Variants in PCDHA9 observed in about 807,000 individuals in gnomAD.
PCDHA9 encodes protocadherin alpha 9, also known as protocadherin alpha-9.
A neutral mutation model predicts 62.0 loss-of-function variants in PCDHA9; 62 were observed. The ratio of observed to expected loss-of-function variants is 1.00; its 90% CI spans 0.81 to 1.23. The LOEUF (loss-of-function observed/expected upper bound fraction) is 1.23, where lower values mean the gene tolerates loss of function less well. Among genes scored for constraint, PCDHA9 ranks in the 50% most tolerant of loss-of-function variants. The pLI, the probability that PCDHA9 is intolerant of heterozygous loss-of-function variation, is 0.00. For missense variants in PCDHA9, 1,205 were observed against 1,249.8 expected, an observed-to-expected ratio of 0.96 and a Z score of 0.54; for synonymous variants, 557 against 567.6, an observed-to-expected ratio of 0.98 and a Z score of 0.27.
chr5:140,877,706 T>TG (rs781796819), intron 1 of PCDHA9: 16 of 1,613,800 alleles, frequency 9.9e-6, no homozygotes, highest in Non-Finnish European at 1.4e-5. Context: ...TCCAGCGCCG[T>TG]GGGGAGTTGG....
chr5:140,961,438 A>G (rs888082906), intron 1 of PCDHA9, among the ~76,000 whole-genome samples: 2 of 152,194 alleles, frequency 1.3e-5, no homozygotes, highest in South Asian at 4.1e-4. Context: ...AAAATCACCT[A>G]ACTACACTGT....
rs782357436 is a variant in PCDHA9, at chr5:140,876,751, G to T, written c.2394+25862G>T. On this transcript the variant is annotated intron_variant, in intron 1 of 3. Transcript: ENST00000532602. ...GTCGGCCTATGAGCTGGTGGTGACTGCGCGGGATGGGGGCTCGCCTTCGCT... is the reference window on the plus strand; with the variant it reads ...GTCGGCCTATGAGCTGGTGGTGACTTCGCGGGATGGGGGCTCGCCTTCGCT... 2.5e-6 allele frequency: 4 copies of T among 1,614,258 alleles called. No individual in the cohort carries two copies. The Admixed American group carries it at 6.7e-5, about 27-fold the overall frequency.
intron 3 of PCDHA9, among the ~76,000 whole-genome samples, chr5:141,008,523 C>A (rs2098380908): frequency 6.6e-6 from 1 of 152,182 alleles, no homozygotes; most frequent in Admixed American, 6.5e-5. Context: ...CAATCAGACT[C>A]TTGGGAATGT....
At chr5:140,856,384 G>C (rs202075661) in intron 1 of PCDHA9, 1 of 1,598,540 alleles carries the variant, frequency 6.3e-7, no homozygotes, top group African/African-American at 1.3e-5. Flanking sequence ...TGGACAGGCC[G>C]CTGCAGGTTT....
Position 140,967,929 on chromosome 5 carries a change from G to A in PCDHA9, c.2395-11020G>A, listed in dbSNP as rs1554230126. 5 of 1,614,096 alleles carry A rather than the reference G, an allele frequency of 3.1e-6. No homozygotes were observed. The South Asian group carries it at 4.4e-5, about 14-fold the overall frequency. ...CCCAACACCATTGTGGCCGTTCTCAGTGTCAATGACCAAGACTCAGGCCCC... is the reference window on the plus strand; with the variant it reads ...CCCAACACCATTGTGGCCGTTCTCAATGTCAATGACCAAGACTCAGGCCCC... On this transcript the variant is annotated intron_variant, in intron 1 of 3. Coordinates refer to ENST00000532602, the MANE Select transcript of PCDHA9 (RefSeq NM_031857.2).
intron 1 of PCDHA9, chr5:140,876,262 C>A (rs1554168436): frequency 6.2e-7 from 1 of 1,614,012 alleles, no homozygotes. Context: ...AGTGATCCAA[C>A]TAAATGCTTC....
At chr5:140,878,571 A>G (rs531090803) in intron 1 of PCDHA9, among the ~76,000 whole-genome samples, 48 of 152,346 alleles carry the variant, frequency 3.2e-4, no homozygotes, top group African/African-American at 1.1e-3. Context: ...ATCATAGTAT[A>G]CCACTGCCCT....
At chr5:140,914,033 G>A (rs1192515722) in intron 1 of PCDHA9, among the ~76,000 whole-genome samples, 1 of 152,138 alleles carries the variant, frequency 6.6e-6, no homozygotes, top group Non-Finnish European at 1.5e-5. Context: ...GTGCTGAGAA[G>A]AATGTGTATT....
At chr5:140,926,740 A>G (rs1291119790) in intron 1 of PCDHA9, 2 of 1,186,206 alleles carry the variant, frequency 1.7e-6, no homozygotes, top group Non-Finnish European at 2.2e-6. Context: ...CGGGAGGCGC[A>G]ACGTCGGCGG....
rs371830340 is a variant in PCDHA9 at position 140,947,864 on chromosome 5, C to G, written c.2395-31085C>G. Reference sequence around the variant, plus strand: ...TTTATTTATTTTGTCATTATAATGGCTAGGACTTCCAGGACAATATAAACA... The same window carrying G: ...TTTATTTATTTTGTCATTATAATGGGTAGGACTTCCAGGACAATATAAACA... On this transcript the variant is annotated intron_variant, in intron 1 of 3. Coordinates refer to ENST00000532602, the MANE Select transcript of PCDHA9 (RefSeq NM_031857.2). Among the ~76,000 whole-genome samples the G allele has an allele frequency of 1.4e-4, 21 of 151,554 alleles. No homozygotes were observed. The East Asian group carries it at 2.3e-3, about 17-fold the overall frequency.
At chr5:140,891,963 A>C (rs1202145353) in intron 1 of PCDHA9, among the ~76,000 whole-genome samples, 1 of 152,214 alleles carries the variant, frequency 6.6e-6, no homozygotes, top group African/African-American at 2.4e-5. Flanking sequence ...TGTGAGAAGT[A>C]AATTTCCGTT....
intron 1 of PCDHA9, among the ~76,000 whole-genome samples, chr5:140,943,307 T>C (rs1554215574): frequency 6.7e-6 from 1 of 149,570 alleles, no homozygotes; most frequent in Non-Finnish European, 1.5e-5. Flanking sequence ...TGGGAAGTCA[T>C]TATTAGCAAT....
At chr5:140,857,849 G>A (rs782556733) in intron 1 of PCDHA9, 1 of 1,597,964 alleles carries the variant, frequency 6.3e-7, no homozygotes, top group South Asian at 1.1e-5. Flanking sequence ...CGCTGACTCT[G>A]GATACAACGC....
At chr5:140,867,536 A>T (rs1177306827) in intron 1 of PCDHA9, 3 of 152,126 alleles carry the variant, frequency 2.0e-5, no homozygotes, top group African/African-American at 7.2e-5. Flanking sequence ...ATATATATAA[A>T]ATATTAGCAT....
At chr5:140,966,709 G>A (rs1447935100) in intron 1 of PCDHA9, 4 of 1,387,174 alleles carry the variant, frequency 2.9e-6, no homozygotes, top group Non-Finnish European at 2.8e-6. Flanking sequence ...CGTGGGGCAC[G>A]GCTGGGGAAG....
chr5:140,875,485 G>A (rs367652529), intron 1 of PCDHA9: 13 of 1,611,424 alleles, frequency 8.1e-6, no homozygotes, highest in African/African-American at 1.3e-5. Context: ...GGTGATTATC[G>A]GACCAAGAGG....
intron 3 of PCDHA9, among the ~76,000 whole-genome samples, chr5:140,983,265 T>C (rs553920702): frequency 6.6e-6 from 1 of 152,200 alleles, no homozygotes; most frequent in Non-Finnish European, 1.5e-5. Flanking sequence ...AAAAACCTAA[T>C]GGCTGGGTGA....
At chr5:140,958,199 A>G (rs2095413345) in intron 1 of PCDHA9, among the ~76,000 whole-genome samples, 1 of 152,140 alleles carries the variant, frequency 6.6e-6, no homozygotes, top group Non-Finnish European at 1.5e-5. Context: ...GGTCTAGTAT[A>G]CAAGGGAATT....
chr5:140,870,082 C>A lies in PCDHA9; in HGVS notation c.2394+19193C>A, dbSNP rs1326686779. 1.9e-6 allele frequency: 3 copies of A among 1,613,708 alleles called. No individual in the cohort carries two copies. In the Admixed American group the frequency reaches 5.0e-5, roughly 27 times the overall value. ...AGTACAGGCTACAGATAAGGGGACT[C>A]CCCCAATGGCAGGTCACTGTACAGT... On this transcript the variant is annotated intron_variant, in intron 1 of 3. Transcript: ENST00000532602.
Sources: allele counts gnomAD v4.1 joint callset (sites outside exome capture counted in the v4.1 genomes callset), GRCh38; gene constraint gnomAD v4.1.1; transcripts MANE v1.5; gene names NCBI Gene and HGNC (gene_info 2026-07-23, HGNC 2026-07-21).